Variants in CIMIP2C observed in about 807,000 individuals in gnomAD.
CIMIP2C encodes UPF0573 protein C2orf70.
the CIMIP2C span, chr2:26,578,679 G>A: frequency 4.8e-5 from 22 of 462,560 alleles, no homozygotes; most frequent in Non-Finnish European, 8.0e-5. Flanking sequence ...GACTCTCCTG[G>A]GGACAGGTAT....
the CIMIP2C span, chr2:26,575,853 G>A: frequency 3.1e-5 from 49 of 1,589,422 alleles, no homozygotes; most frequent in Admixed American, 1.5e-4. Context: ...GAACAGGCCT[G>A]GGGCCCTTCA....
chr2:26,562,750 T>G, the CIMIP2C span: 1 of 1,372,190 alleles, frequency 7.3e-7, no homozygotes. Flanking sequence ...GTGATCGAAA[T>G]TCAGCCCCCT....
the CIMIP2C span, chr2:26,562,692 G>T: frequency 6.4e-7 from 1 of 1,563,604 alleles, no homozygotes; most frequent in Non-Finnish European, 8.7e-7. Context: ...CCCGGGTAAG[G>T]CCGAGGGAGC....
At chr2:26,570,753 G>A in the CIMIP2C span, among the ~76,000 whole-genome samples, 11 of 152,224 alleles carry the variant, frequency 7.2e-5, no homozygotes, top group Admixed American at 1.3e-4. Flanking sequence ...AGTGATGGGC[G>A]AGAGGAGGGA....
chr2:26,574,331 C>T, the CIMIP2C span, among the ~76,000 whole-genome samples: 2 of 152,140 alleles, frequency 1.3e-5, no homozygotes, highest in African/African-American at 2.4e-5. Context: ...TGACCACAGG[C>T]CAGGTACAAG....
chr2:26,573,702 G>A, the CIMIP2C span, among the ~76,000 whole-genome samples: 7 of 151,806 alleles, frequency 4.6e-5, no homozygotes, highest in South Asian at 1.4e-3. Flanking sequence ...CTGAGGTGGT[G>A]GAGAAGAGTC....
chr2:26,568,118 A>G, the CIMIP2C span, among the ~76,000 whole-genome samples: 1 of 152,182 alleles, frequency 6.6e-6, no homozygotes, highest in Non-Finnish European at 1.5e-5. Context: ...AGCTGAGGGA[A>G]AAGATCATTG....
At chr2:26,562,825 C>T in the CIMIP2C span, 7 of 752,104 alleles carry the variant, frequency 9.3e-6, no homozygotes, top group South Asian at 1.2e-4. Flanking sequence ...GGGCGAGGGG[C>T]CTTCCTAGAG....
the CIMIP2C span, chr2:26,576,085 C>T: frequency 6.2e-7 from 1 of 1,614,106 alleles, no homozygotes; most frequent in African/African-American, 1.3e-5. Flanking sequence ...TGGAGCGCGC[C>T]AGCACCCGGG....
chr2:26,562,620 C>A, the CIMIP2C span: 2 of 1,581,802 alleles, frequency 1.3e-6, no homozygotes, highest in Non-Finnish European at 1.7e-6. Context: ...ACCATGGCCT[C>A]CCGCAGCGCG....
chr2:26,569,478 G>A, the CIMIP2C span, among the ~76,000 whole-genome samples: 6 of 152,214 alleles, frequency 3.9e-5, no homozygotes, highest in East Asian at 9.6e-4. Context: ...ACTGTCCTCA[G>A]TAGGAGGCGT....
At chr2:26,573,106 G>C in the CIMIP2C span, among the ~76,000 whole-genome samples, 1 of 152,210 alleles carries the variant, frequency 6.6e-6, no homozygotes, top group Admixed American at 6.5e-5. Context: ...GGCAACAGCA[G>C]GACCTGATAT....
At chr2:26,567,406 G>A in the CIMIP2C span, among the ~76,000 whole-genome samples, 1 of 152,216 alleles carries the variant, frequency 6.6e-6, no homozygotes, top group South Asian at 2.1e-4. Flanking sequence ...TGCCATCACT[G>A]TAAGTTTCCT....
At chr2:26,579,392 C>T in the CIMIP2C span, 1 of 1,613,908 alleles carries the variant, frequency 6.2e-7, no homozygotes, top group Non-Finnish European at 8.5e-7. Context: ...AGGGTCTCTC[C>T]ACAGGAGCGG....
At chr2:26,571,164 G>A in the CIMIP2C span, among the ~76,000 whole-genome samples, 1 of 152,106 alleles carries the variant, frequency 6.6e-6, no homozygotes, top group African/African-American at 2.4e-5. Flanking sequence ...ATTGACATAC[G>A]GGACATGTTG....
the CIMIP2C span, among the ~76,000 whole-genome samples, chr2:26,569,423 A>T: frequency 6.6e-6 from 1 of 152,170 alleles, no homozygotes; most frequent in African/African-American, 2.4e-5. Context: ...CACAGGCAAT[A>T]GGGAGCCCTT....
the CIMIP2C span, among the ~76,000 whole-genome samples, chr2:26,573,552 ACT>A: frequency 6.6e-6 from 1 of 152,178 alleles, no homozygotes. Flanking sequence ...CGGGAGGAAG[ACT>A]CTGTCTCCTG....
the CIMIP2C span, among the ~76,000 whole-genome samples, chr2:26,573,361 A>G: frequency 1.2e-3 from 167 of 144,460 alleles, no homozygotes; most frequent in African/African-American, 4.6e-3. Flanking sequence ...GAAATGTACA[A>G]TCTAGGAACC....
the CIMIP2C span, among the ~76,000 whole-genome samples, chr2:26,572,409 G>A: frequency 6.8e-6 from 1 of 148,030 alleles, no homozygotes; most frequent in African/African-American, 2.5e-5. Flanking sequence ...CGCTGAACAT[G>A]ACTTTCAAGA....
Sources: gnomAD v4.1 joint callset for allele counts (sites outside exome capture counted in the v4.1 genomes callset) on GRCh38, gnomAD v4.1.1 for gene constraint, MANE v1.5 for transcripts, NCBI Gene and HGNC (gene_info 2026-07-23, HGNC 2026-07-21) for gene names.